PADI6: variants seen among roughly 807,000 people sequenced by gnomAD.
The protein encoded by PADI6 is peptidyl arginine deiminase 6.
In PADI6, 66 loss-of-function variants were observed where a neutral mutation model predicts 78.2. The observed-to-expected ratio is 0.84, with a 90% CI of 0.69 to 1.04. The LOEUF is 1.04. PADI6 is among the 50% of genes least tolerant of loss of function. PADI6 has a pLI of 0.00. For synonymous variants in PADI6, 397 were observed against 346.9 expected (o/e 1.14, Z -1.60); for missense variants, 854 against 866.1 (o/e 0.99, Z 0.18).
At chr1:17,384,042 C>T (rs1196968762) in intron 6 of PADI6, among the ~76,000 whole-genome samples, 1 of 151,914 alleles carries the variant, frequency 6.6e-6, no homozygotes, top group Non-Finnish European at 1.5e-5. Flanking sequence ...CCCAACTACT[C>T]AGGAGACCAA....
intron 2 of PADI6, 100 bp downstream of exon 2, chr1:17,373,333 A>AAC: frequency 7.2e-7 from 1 of 1,397,658 alleles, no homozygotes; most frequent in Non-Finnish European, 9.8e-7. Flanking sequence ...GAGCCTGGGA[A>AAC]ACACGTTGTT....
intron 3 of PADI6, among the ~76,000 whole-genome samples, chr1:17,375,985 CT>C (rs1320572379): frequency 6.7e-6 from 1 of 150,246 alleles, no homozygotes; most frequent in Non-Finnish European, 1.5e-5. Context: ...CTTTTTTTTT[CT>C]TTTTTTTCTG....
chr1:17,401,619 C>T lies in PADI6; in HGVS notation c.*181C>T. 1.6e-6 allele frequency: 1 copy of T among 623,164 alleles called. No individual in the cohort carries two copies. The highest frequency in any genetic ancestry group is 2.8e-6 in the Non-Finnish European group (1 of 359,364). 38.6% of individuals were successfully genotyped at this position (623,164 alleles called of 1,614,324 possible). A position where few individuals can be genotyped will look rare whatever the true frequency, so the allele number is the denominator to read the frequency against. On this transcript the variant is annotated 3_prime_UTR_variant, in exon 16 of 16. Transcript: ENST00000619609. ...GATGGCAAATGCCGCCAGCTTGAAC[C>T]CCTATGGGGAAAAGATGCAAAAGTG...
chr1:17,378,971 A>G (rs1457510091), intron 3 of PADI6, among the ~76,000 whole-genome samples: 1 of 143,024 alleles, frequency 7.0e-6, no homozygotes, highest in Non-Finnish European at 1.5e-5. Flanking sequence ...GGGGGACAGA[A>G]TCTTGCTCTG....
intron 13 of PADI6, among the ~76,000 whole-genome samples, chr1:17,396,710 G>C (rs1162909554): frequency 2.0e-5 from 3 of 152,226 alleles, no homozygotes; most frequent in Admixed American, 2.0e-4. Flanking sequence ...ATGTAACCTG[G>C]AGAGGGTCAC....
rs549757842 is a variant in PADI6, at chr1:17,372,264, C to G, written c.19C>G (p.Arg7Gly). 6 of 1,613,954 alleles carry G rather than the reference C, an allele frequency of 3.7e-6. No homozygotes were observed. The highest frequency in any genetic ancestry group is 4.2e-6 in the Non-Finnish European group (5 of 1,179,864). Residue 7 changes from arginine to glycine, a missense_variant, in exon 1 of 16, where the codon CGA becomes GGA. Arg to Gly is a moderately radical substitution (Grantham distance 125). Coordinates refer to ENST00000619609, the MANE Select transcript of PADI6 (RefSeq NM_207421.4). ...CCTGAGGATGGTCAGCGTGGAGGGC[C>G]GAGCCATGTCCTTCCAGAGTATCAT... MVSVEG[R>G]AMSFQSIIHL... is the part of the protein sequence containing the mutation.
Position 17,379,852 on chromosome 1 carries a change from T to C in PADI6, c.368-68T>C, listed in dbSNP as rs112749673. ...CAGCCTTGGGCAGCCCCACAGGAGA[T>C]AACCTATAACTTTGAGGTTCCATCT... On this transcript the variant is annotated intron_variant, in intron 3 of 15. Coordinates refer to ENST00000619609, the MANE Select transcript of PADI6 (RefSeq NM_207421.4). 5.6e-6 allele frequency: 8 copies of C among 1,420,718 alleles called. 1 individual carries two copies. In the African/African-American group the frequency reaches 8.5e-5, roughly 15 times the overall value. 88.0% of individuals were successfully genotyped at this position (1,420,718 alleles called of 1,614,324 possible).
intron 8 of PADI6, 47 bp downstream of exon 8, chr1:17,388,927 C>A: frequency 6.8e-7 from 1 of 1,466,538 alleles, no homozygotes; most frequent in Non-Finnish European, 9.5e-7. Context: ...TCATAACTGG[C>A]ACCCTCTTCT....
In PADI6 at chr1:17,398,671, C is replaced by A. The variant is rs1411633236; in HGVS notation, c.1690-15C>A. 1.1e-5 allele frequency: 3 copies of A among 275,938 alleles called. No individual in the cohort carries two copies. Among genetic ancestry groups the A allele is most frequent in the Non-Finnish European group, 2.0e-5 (3 of 151,038 alleles). 17.1% of individuals were successfully genotyped at this position (275,938 alleles called of 1,614,324 possible). Reference sequence around the variant, plus strand: ...GCTCCCCCGCCCCCCCCCCCACCCACCCACCCACCCACAGAAGTGCATTCA... The same window carrying A: ...GCTCCCCCGCCCCCCCCCCCACCCAACCACCCACCCACAGAAGTGCATTCA... On this transcript the variant is annotated splice_polypyrimidine_tract_variant and intron_variant, in intron 14 of 15. Coordinates refer to ENST00000619609, the MANE Select transcript of PADI6 (RefSeq NM_207421.4).
At chr1:17,374,179 T>G (rs72637453) in intron 2 of PADI6, among the ~76,000 whole-genome samples, 28,163 of 151,726 alleles carry the variant, frequency 0.19, 2,782 homozygotes, top group Middle Eastern at 0.3. Context: ...GATGGAGCAG[T>G]TCAGGACTGG....
chr1:17,376,949 C>G (rs572233548), intron 3 of PADI6, among the ~76,000 whole-genome samples: 1 of 152,042 alleles, frequency 6.6e-6, no homozygotes, highest in Non-Finnish European at 1.5e-5. Context: ...TGAAGAGACA[C>G]GATCATGGCT....
At chr1:17,385,317 G>C (rs1255689726) in intron 6 of PADI6, among the ~76,000 whole-genome samples, 1 of 152,218 alleles carries the variant, frequency 6.6e-6, no homozygotes, top group African/African-American at 2.4e-5. Context: ...GGTGTGACCA[G>C]AATGGAGGTT....
At position 17,394,039 on chromosome 1, in the gene PADI6, C is replaced by G. The variant is rs758043338; in HGVS notation, c.1139C>G (p.Pro380Arg). Residue 380 changes from proline (P) to arginine (R), a missense_variant, in exon 10 of 16, where the codon CCT (proline) becomes CGT (arginine). Transcript: ENST00000619609. Reference sequence around the variant, plus strand: ...ACAACGTCCTTGATCCTCGACACACCTCAGGCCGCCGATCTCGATGAGTTC... The same window carrying G: ...ACAACGTCCTTGATCCTCGACACACGTCAGGCCGCCGATCTCGATGAGTTC... ...HKTTSLILDT[P>R]QAADLDEFPM... 2 of 1,613,936 alleles carry G rather than the reference C, an allele frequency of 1.2e-6. No homozygotes were observed.
chr1:17,377,034 T>A (rs1557596494), intron 3 of PADI6, among the ~76,000 whole-genome samples: 1 of 152,054 alleles, frequency 6.6e-6, no homozygotes, highest in Non-Finnish European at 1.5e-5. Flanking sequence ...CCACCATACT[T>A]GGTTAATTTT....
intron 6 of PADI6, among the ~76,000 whole-genome samples, chr1:17,384,816 G>A (rs2100301779): frequency 6.6e-6 from 1 of 152,328 alleles, no homozygotes; most frequent in South Asian, 2.1e-4. Context: ...AGTCATCAGT[G>A]ACCCTGATAA....
intron 3 of PADI6, among the ~76,000 whole-genome samples, chr1:17,378,174 GA>G (rs2075037004): frequency 1.3e-5 from 2 of 152,108 alleles, no homozygotes; most frequent in Admixed American, 1.3e-4. Flanking sequence ...ATCTAAAACT[GA>G]AATACCCTCG....
chr1:17,375,328 A>G, intron 2 of PADI6, 99 bp from the exon 3 acceptor site: 3 of 1,121,758 alleles, frequency 2.7e-6, no homozygotes, highest in South Asian at 2.8e-5. Context: ...ATAACACAAG[A>G]CCAAGATCCC....
At position 17,395,163 on chromosome 1, in the gene PADI6, C is replaced by T. The variant is rs537793612; in HGVS notation, c.1494+56C>T. 8 of 1,534,064 alleles carry T rather than the reference C, an allele frequency of 5.2e-6. No homozygotes were observed. The African/African-American group carries it at 9.8e-5, about 19-fold the overall frequency. The stretch of plus-strand genomic sequence containing the variant: ...TGACCCTTGCCTTCTGTTGGGGAAT[C>T]TTGGAAGATTCTGGAGAGAAAACTG... On this transcript the variant is annotated intron_variant, in intron 12 of 15. Transcript: ENST00000619609.
chr1:17,379,850 G>C lies in PADI6; in HGVS notation c.368-70G>C, dbSNP rs145242222. The C allele has an allele frequency of 1.1e-3, 1,584 of 1,409,120 alleles. 4 individuals are homozygous for C. The African/African-American group carries it at 0.012, about 11-fold the overall frequency. 87.3% of individuals were successfully genotyped at this position (1,409,120 alleles called of 1,614,324 possible). A position where few individuals can be genotyped will look rare whatever the true frequency, so the allele number is the denominator to read the frequency against. ...GCCAGCCTTGGGCAGCCCCACAGGA[G>C]ATAACCTATAACTTTGAGGTTCCAT... is the stretch of plus-strand genomic sequence containing the variant. On this transcript the variant is annotated intron_variant, in intron 3 of 15. Coordinates refer to ENST00000619609, the MANE Select transcript of PADI6 (RefSeq NM_207421.4).
Sources: gnomAD v4.1 joint callset for allele counts (sites outside exome capture counted in the v4.1 genomes callset) on GRCh38, gnomAD v4.1.1 for gene constraint, MANE v1.5 for transcripts, NCBI Gene and HGNC (gene_info 2026-07-23, HGNC 2026-07-21) for gene names.